Variants in CNTNAP5 observed in about 807,000 individuals in gnomAD.
The protein encoded by CNTNAP5 is contactin-associated protein-like 5.
Under a neutral mutation model 150.2 loss-of-function variants are expected in CNTNAP5, and 72 were observed. That is an observed-to-expected ratio of 0.48 (90% CI 0.40 to 0.58). CNTNAP5 has a LOEUF of 0.58. Among genes scored for constraint, CNTNAP5 ranks in the 20% least tolerant of loss-of-function variants. The pLI is 0.00. For missense variants in CNTNAP5, 1,636 were observed against 1,626.2 expected, an observed-to-expected ratio of 1.01 and a Z score of -0.10; for synonymous variants, 672 against 619.8, an observed-to-expected ratio of 1.08 and a Z score of -1.25.
chr2:124,535,996 C>A (rs966806994), intron 10 of CNTNAP5, among the ~76,000 whole-genome samples: 5 of 152,110 alleles, frequency 3.3e-5, no homozygotes, highest in Admixed American at 2.6e-4. Flanking sequence ...AAAAAGATTA[C>A]ATTGCGCGGT....
intron 13 of CNTNAP5, among the ~76,000 whole-genome samples, chr2:124,660,578 A>C (rs1025857372): frequency 1.3e-5 from 2 of 152,206 alleles, no homozygotes; most frequent in South Asian, 4.1e-4. Flanking sequence ...ACATGTAATT[A>C]GTAAAGAAAA....
intron 3 of CNTNAP5, among the ~76,000 whole-genome samples, chr2:124,364,492 C>T (rs1033698320): frequency 6.6e-6 from 1 of 152,136 alleles, no homozygotes; most frequent in Non-Finnish European, 1.5e-5. Flanking sequence ...TATTTTGTCT[C>T]TGCCTAAACT....
intron 3 of CNTNAP5, among the ~76,000 whole-genome samples, chr2:124,378,257 A>G (rs1690702871): frequency 6.6e-6 from 1 of 152,064 alleles, no homozygotes; most frequent in African/African-American, 2.4e-5. Context: ...AACCGTATGT[A>G]ATTTACACAA....
chr2:124,201,900 A>G (rs1304346942), intron 1 of CNTNAP5, among the ~76,000 whole-genome samples: 3 of 152,282 alleles, frequency 2.0e-5, no homozygotes, highest in Admixed American at 6.5e-5. Flanking sequence ...AACATTGGCA[A>G]AAGTTATGGA....
At chr2:124,491,593 C>A (rs1345520755) in intron 7 of CNTNAP5, among the ~76,000 whole-genome samples, 9 of 152,080 alleles carry the variant, frequency 5.9e-5, no homozygotes. Flanking sequence ...GATTTCATTT[C>A]TTTCAGATGT....
At chr2:124,292,187 T>G (rs1489367961) in intron 3 of CNTNAP5, among the ~76,000 whole-genome samples, 1 of 152,036 alleles carries the variant, frequency 6.6e-6, no homozygotes, top group African/African-American at 2.4e-5. Flanking sequence ...GTTTTATCTC[T>G]CTTTTTTTTA....
chr2:124,321,809 G>T (rs866319275), intron 3 of CNTNAP5, among the ~76,000 whole-genome samples: 2 of 152,236 alleles, frequency 1.3e-5, no homozygotes, highest in Middle Eastern at 3.4e-3. Flanking sequence ...GTTAAGGCAG[G>T]TTCTGTTAAG....
chr2:124,904,320 C>T (rs1334710636), intron 22 of CNTNAP5, among the ~76,000 whole-genome samples: 1 of 151,940 alleles, frequency 6.6e-6, no homozygotes, highest in Admixed American at 6.6e-5. Context: ...TTTTTTAATG[C>T]TGAAAATTTC....
intron 3 of CNTNAP5, among the ~76,000 whole-genome samples, chr2:124,256,407 A>C (rs1009322460): frequency 6.6e-6 from 1 of 152,060 alleles, no homozygotes; most frequent in African/African-American, 2.4e-5. Flanking sequence ...TTTTAAGTTT[A>C]AAGTTTAAGC....
intron 22 of CNTNAP5, among the ~76,000 whole-genome samples, chr2:124,906,738 A>C (rs964797024): frequency 6.6e-6 from 1 of 152,128 alleles, no homozygotes; most frequent in African/African-American, 2.4e-5. Context: ...TGGTAACCTG[A>C]GTAGGATATT....
At chr2:124,588,451 C>T (rs12618658) in intron 11 of CNTNAP5, among the ~76,000 whole-genome samples, 36,329 of 151,574 alleles carry the variant, frequency 0.24, 4,607 homozygotes, top group Non-Finnish European at 0.29. Flanking sequence ...GAGGAACATA[C>T]TCAGGGAACC....
At chr2:124,510,509 ATATATATATAC>A in intron 8 of CNTNAP5, among the ~76,000 whole-genome samples, 1 of 137,826 alleles carries the variant, frequency 7.3e-6, no homozygotes, top group Non-Finnish European at 1.5e-5. Flanking sequence ...ATATATATAT[ATATATATATAC>A]ATATATCTCC....
At chr2:124,548,248 G>A (rs955301227) in intron 10 of CNTNAP5, among the ~76,000 whole-genome samples, 1 of 152,188 alleles carries the variant, frequency 6.6e-6, no homozygotes, top group African/African-American at 2.4e-5. Flanking sequence ...CAGGCACGAT[G>A]TCAGGGGCCA....
At chr2:124,555,203 G>A (rs1402926757) in intron 10 of CNTNAP5, among the ~76,000 whole-genome samples, 1 of 152,010 alleles carries the variant, frequency 6.6e-6, no homozygotes, top group African/African-American at 2.4e-5. Flanking sequence ...TTCTCTTTCA[G>A]TACCATACTT....
chr2:124,172,010 T>G (rs56377724), intron 1 of CNTNAP5, among the ~76,000 whole-genome samples: 1 of 152,350 alleles, frequency 6.6e-6, no homozygotes, highest in Non-Finnish European at 1.5e-5. Context: ...CTATTTACTT[T>G]TCTCTGTCAG....
chr2:124,027,022 A>G (rs895554703), intron 1 of CNTNAP5, among the ~76,000 whole-genome samples: 1 of 152,232 alleles, frequency 6.6e-6, no homozygotes, highest in Admixed American at 6.5e-5. Context: ...ATAGTTAGTC[A>G]TAATGCCTTA....
intron 12 of CNTNAP5, among the ~76,000 whole-genome samples, chr2:124,647,463 G>A (rs1236831428): frequency 1.3e-5 from 2 of 152,132 alleles, no homozygotes; most frequent in African/African-American, 2.4e-5. Flanking sequence ...TGACATAGCG[G>A]TATTGCTTCA....
At chr2:124,706,831 G>A (rs1210855205) in intron 13 of CNTNAP5, among the ~76,000 whole-genome samples, 3 of 5,008 alleles carry the variant, frequency 6.0e-4, no homozygotes, top group Admixed American at 4.0e-3. Context: ...GGAGGAAGAG[G>A]AGGAGGGGGA....
intron 11 of CNTNAP5, among the ~76,000 whole-genome samples, chr2:124,603,477 A>G (rs1697031436): frequency 6.6e-6 from 1 of 152,174 alleles, no homozygotes; most frequent in African/African-American, 2.4e-5. Flanking sequence ...TAATGTTTCA[A>G]CTAATGGTTT....
Sources: gnomAD v4.1 joint callset for allele counts (sites outside exome capture counted in the v4.1 genomes callset) on GRCh38, gnomAD v4.1.1 for gene constraint, MANE v1.5 for transcripts, NCBI Gene and HGNC (gene_info 2026-07-23, HGNC 2026-07-21) for gene names.